Variants in TAFA2 observed in about 807,000 individuals in gnomAD.
TAFA2 encodes chemokine-like protein TAFA-2.
In TAFA2, 7 loss-of-function variants were observed where a neutral mutation model predicts 18.8. That is an observed-to-expected ratio of 0.37 (90% CI 0.21 to 0.70). The LOEUF (loss-of-function observed/expected upper bound fraction) is 0.70, where lower values mean the gene tolerates loss of function less well. Among genes scored for constraint, TAFA2 ranks in the 30% least tolerant of loss-of-function variants. The pLI, the probability that TAFA2 is intolerant of heterozygous loss-of-function variation, is 0.53. For synonymous variants in TAFA2, 60 were observed against 54.2 expected, an observed-to-expected ratio of 1.11 and a Z score of -0.47; for missense variants, 122 against 158.1, an observed-to-expected ratio of 0.77 and a Z score of 1.23.
chr12:61,982,111 T>TA (rs1879655277), intron 1 of TAFA2, among the ~76,000 whole-genome samples: 1 of 152,038 alleles, frequency 6.6e-6, no homozygotes, highest in South Asian at 2.1e-4. Flanking sequence ...TCTGCAGCCA[T>TA]AAAAAAGGAT....
At chr12:61,730,523 C>A (rs1326793057) in intron 4 of TAFA2, among the ~76,000 whole-genome samples, 2 of 151,994 alleles carry the variant, frequency 1.3e-5, no homozygotes. Context: ...TAGAGAAAGA[C>A]CATCAAGTGG....
chr12:62,246,471 T>C (rs1242843235), intron 1 of TAFA2, among the ~76,000 whole-genome samples: 1 of 152,258 alleles, frequency 6.6e-6, no homozygotes, highest in Non-Finnish European at 1.5e-5. Flanking sequence ...TGAAATAACC[T>C]ATATTCTTTA....
intron 2 of TAFA2, among the ~76,000 whole-genome samples, chr12:61,799,135 T>C (rs997126539): frequency 1.3e-5 from 2 of 152,230 alleles, no homozygotes; most frequent in Non-Finnish European, 2.9e-5. Flanking sequence ...GTTTTTACTT[T>C]TAAACTCATA....
At chr12:61,738,329 A>ACAC (rs1555198029) in intron 4 of TAFA2, among the ~76,000 whole-genome samples, 4 of 146,742 alleles carry the variant, frequency 2.7e-5, no homozygotes, top group Non-Finnish European at 6.1e-5. Context: ...ACACACACAC[A>ACAC]AACCTAGCTC....
intron 1 of TAFA2, among the ~76,000 whole-genome samples, chr12:62,010,154 T>G: frequency 7.8e-6 from 1 of 128,740 alleles, no homozygotes; most frequent in South Asian, 3.0e-4. Flanking sequence ...CCTCTCCCTC[T>G]CCCCCTCCCC....
At chr12:62,169,467 G>A (rs1476774929) in intron 1 of TAFA2, among the ~76,000 whole-genome samples, 1 of 152,144 alleles carries the variant, frequency 6.6e-6, no homozygotes, top group Non-Finnish European at 1.5e-5. Flanking sequence ...TACGTATTTA[G>A]TAAAAATTTT....
chr12:61,938,632 T>C (rs926429683), intron 1 of TAFA2, among the ~76,000 whole-genome samples: 1 of 152,076 alleles, frequency 6.6e-6, no homozygotes, highest in Admixed American at 6.6e-5. Context: ...AAATTCACAA[T>C]TGCAAAGATA....
intron 1 of TAFA2, among the ~76,000 whole-genome samples, chr12:62,024,167 C>T (rs1881239019): frequency 6.6e-6 from 1 of 152,110 alleles, no homozygotes; most frequent in Non-Finnish European, 1.5e-5. Context: ...TCAGGAAAGT[C>T]AGTAAACAGC....
At chr12:61,887,604 T>G (rs1363325277) in intron 1 of TAFA2, among the ~76,000 whole-genome samples, 1 of 112,316 alleles carries the variant, frequency 8.9e-6, no homozygotes, top group Non-Finnish European at 1.7e-5. Context: ...CCCACAACAG[T>G]CCCCAGAGTG....
intron 1 of TAFA2, among the ~76,000 whole-genome samples, chr12:61,952,567 T>C (rs149587192): frequency 1.4e-3 from 213 of 152,120 alleles, no homozygotes; most frequent in East Asian, 4.8e-3. Context: ...GATAAGCCCA[T>C]TGGAAACAAA....
chr12:61,823,319 C>T lies in TAFA2; in HGVS notation c.106+44001G>A, dbSNP rs1264303976. ...TCCCAAAATGCTGGAATTACAGCCA[C>T]GAGCCACCGCACCCAGCCCTAACGT... On this transcript the variant is annotated intron_variant, in intron 2 of 4. Coordinates refer to ENST00000416284, the MANE Select transcript of TAFA2 (RefSeq NM_178539.5). Among the ~76,000 whole-genome samples the T allele has an allele frequency of 7.9e-5, 12 of 151,998 alleles. No individual in the cohort carries two copies. The East Asian group carries it at 1.4e-3, about 17-fold the overall frequency.
At chr12:62,195,205 T>G (rs1043159154), upstream of TAFA2, among the ~76,000 whole-genome samples, 10 of 152,230 alleles carry the variant, frequency 6.6e-5, no homozygotes, top group Admixed American at 5.2e-4. Context: ...CAGTAGAACT[T>G]CTTTCAAAAT....
chr12:62,056,464 A>G (rs899963230), intron 1 of TAFA2, among the ~76,000 whole-genome samples: 1 of 152,244 alleles, frequency 6.6e-6, no homozygotes, highest in Admixed American at 6.5e-5. Context: ...GTGTTTGTAC[A>G]TGGCATAACC....
At chr12:62,045,273 A>G (rs963377536) in intron 1 of TAFA2, among the ~76,000 whole-genome samples, 2 of 151,982 alleles carry the variant, frequency 1.3e-5, no homozygotes, top group Non-Finnish European at 2.9e-5. Flanking sequence ...TTCCCTCCCA[A>G]CTTCTCTGTT....
intron 1 of TAFA2, chr12:62,242,521 C>A: frequency 6.5e-6 from 1 of 154,710 alleles, no homozygotes; most frequent in South Asian, 1.8e-4. Context: ...GAGGAGGTCT[C>A]ACTGTGTTAC....
At chr12:61,727,400 G>T (rs1483762262) in intron 4 of TAFA2, among the ~76,000 whole-genome samples, 1 of 151,260 alleles carries the variant, frequency 6.6e-6, no homozygotes, top group Non-Finnish European at 1.5e-5. Context: ...CTTGCTGCTT[G>T]TTATTGGTCT....
At chr12:61,838,124 G>T (rs369023804) in intron 2 of TAFA2, among the ~76,000 whole-genome samples, 1 of 152,098 alleles carries the variant, frequency 6.6e-6, no homozygotes, top group East Asian at 1.9e-4. Context: ...AATGTAGGAA[G>T]TAGACTCTGC....
At chr12:62,216,555 C>T (rs963990215) in intron 1 of TAFA2, among the ~76,000 whole-genome samples, 2 of 152,214 alleles carry the variant, frequency 1.3e-5, no homozygotes, top group African/African-American at 4.8e-5. Flanking sequence ...GTAAGGCAAA[C>T]TCGATCAGAA....
At chr12:61,993,004 G>A (rs2136691004) in intron 1 of TAFA2, among the ~76,000 whole-genome samples, 1 of 152,228 alleles carries the variant, frequency 6.6e-6, no homozygotes, top group South Asian at 2.1e-4. Flanking sequence ...TTATTATGTA[G>A]ATGAGAAAAT....
Sources: allele counts gnomAD v4.1 joint callset (sites outside exome capture counted in the v4.1 genomes callset), GRCh38; gene constraint gnomAD v4.1.1; transcripts MANE v1.5; gene names NCBI Gene and HGNC (gene_info 2026-07-23, HGNC 2026-07-21).